Variants in PCDHA1 observed in about 807,000 individuals in gnomAD.
The protein encoded by PCDHA1 is protocadherin alpha-1.
A neutral mutation model predicts 61.3 loss-of-function variants in PCDHA1; 42 were observed. That is an observed-to-expected ratio of 0.69 (90% CI 0.54 to 0.89). The LOEUF is 0.89. Ranked by LOEUF, PCDHA1 falls within the 40% of genes least tolerant of loss-of-function variation. PCDHA1 has a pLI of 0.00. For missense variants in PCDHA1, 1,256 were observed against 1,235.3 expected, an observed-to-expected ratio of 1.02 and a Z score of -0.25; for synonymous variants, 610 against 553.8, an observed-to-expected ratio of 1.10 and a Z score of -1.43.
intron 1 of PCDHA1, among the ~76,000 whole-genome samples, chr5:140,793,037 A>C (rs1420671953): frequency 6.6e-6 from 1 of 152,212 alleles, no homozygotes; most frequent in East Asian, 1.9e-4. Context: ...GAAAAATCAC[A>C]ATTATTGACT....
chr5:140,821,838 C>CT (rs1767080006), intron 1 of PCDHA1: 1 of 1,614,194 alleles, frequency 6.2e-7, no homozygotes, highest in African/African-American at 1.3e-5. Flanking sequence ...TTCTCCTTGC[C>CT]TACTGGAAGG....
chr5:140,926,762 C>A (rs1186997274), intron 1 of PCDHA1: 5 of 1,326,554 alleles, frequency 3.8e-6, no homozygotes, highest in East Asian at 2.8e-5. Context: ...CGCTGAGTAT[C>A]CAGCCCGCAG....
At chr5:140,842,799 C>G (rs2150344737) in intron 1 of PCDHA1, 2 of 1,594,426 alleles carry the variant, frequency 1.3e-6, no homozygotes, top group Non-Finnish European at 1.7e-6. Context: ...GTGTCCTACT[C>G]GCTTGTGGAG....
At position 140,854,896 on chromosome 5, in the gene PCDHA1, G is replaced by A. The variant is rs181663374; in HGVS notation, c.2394+66212G>A. Among the ~76,000 whole-genome samples, 38 of 149,756 alleles carry A rather than the reference G, an allele frequency of 2.5e-4. 1 individual carries two copies. Among genetic ancestry groups the A allele is most frequent in the African/African-American group, 4.6e-4 (19 of 40,968 alleles). On this transcript the variant is annotated intron_variant, in intron 1 of 3. Coordinates refer to ENST00000504120, the MANE Select transcript of PCDHA1 (RefSeq NM_018900.4). ...TGTGTCTTTTGGGCATTTGAAAAGC[G>A]TAAATATAACAGGGTTGAAAGCATT...
Position 140,883,541 on chromosome 5 carries a change from G to T in PCDHA1, c.2394+94857G>T, listed in dbSNP as rs781952906. On this transcript the variant is annotated intron_variant, in intron 1 of 3. Coordinates refer to ENST00000504120, the MANE Select transcript of PCDHA1 (RefSeq NM_018900.4). Reference sequence around the variant, plus strand: ...GAGCGTATCAGCCTATGAACTGGTGGTGACCGCGCGGGACGGGGGCTCGCC... The same window carrying T: ...GAGCGTATCAGCCTATGAACTGGTGTTGACCGCGCGGGACGGGGGCTCGCC... 4.3e-6 allele frequency: 7 copies of T among 1,614,116 alleles called. No individual in the cohort carries two copies. In the East Asian group the frequency reaches 1.1e-4, roughly 26 times the overall value.
intron 1 of PCDHA1, chr5:140,806,900 G>T (rs1268254751): frequency 1.1e-5 from 5 of 453,804 alleles, no homozygotes; most frequent in South Asian, 3.3e-5. Context: ...CCTATTCTCC[G>T]AAACGACTGA....
At chr5:140,865,760 G>A (rs1470653142) in intron 1 of PCDHA1, 1 of 152,154 alleles carries the variant, frequency 6.6e-6, no homozygotes, top group African/African-American at 2.4e-5. Flanking sequence ...AGTACATGGT[G>A]GAGATATTAT....
chr5:140,829,771 C>A, intron 1 of PCDHA1: 5 of 1,613,808 alleles, frequency 3.1e-6, no homozygotes, highest in Middle Eastern at 1.7e-4. Context: ...ACGAGAACGA[C>A]AACGCGCCGG....
At chr5:140,888,234 G>A (rs1554183382) in intron 1 of PCDHA1, among the ~76,000 whole-genome samples, 2 of 152,250 alleles carry the variant, frequency 1.3e-5, no homozygotes, top group East Asian at 1.9e-4. Flanking sequence ...ATGTGTGTGC[G>A]TGTTCCTTTA....
chr5:140,969,538 G>A (rs916768919), intron 1 of PCDHA1: 11 of 1,304,024 alleles, frequency 8.4e-6, no homozygotes, highest in African/African-American at 1.5e-5. Flanking sequence ...TTCATTTTCA[G>A]AGGCATGAAG....
chr5:140,978,849 T>C, intron 1 of PCDHA1, 100 bp from the exon 2 acceptor site: 7 of 1,577,036 alleles, frequency 4.4e-6, no homozygotes, highest in Non-Finnish European at 5.2e-6. Flanking sequence ...CTTTTTTAGA[T>C]GCCTGGAAAT....
At chr5:140,924,895 AAAAAAAAAAATAAAAT>A (rs200266637) in intron 1 of PCDHA1, among the ~76,000 whole-genome samples, 43,424 of 132,064 alleles carry the variant, frequency 0.33, 6,815 homozygotes, top group East Asian at 0.57. Flanking sequence ...AACCTGTCTC[AAAAAAAAAAATAAAAT>A]AAAATAAAAT....
rs2150277025 is a variant in PCDHA1, at chr5:140,837,589, G to A, written c.2394+48905G>A. Among the ~76,000 whole-genome samples the A allele has an allele frequency of 4.8e-4, 73 of 151,324 alleles. 1 individual carries two copies. Among genetic ancestry groups the A allele is most frequent in the Admixed American group, 7.9e-4 (12 of 15,168 alleles). On this transcript the variant is annotated intron_variant, in intron 1 of 3. Coordinates refer to ENST00000504120, the MANE Select transcript of PCDHA1 (RefSeq NM_018900.4). ...ATTTACAATCACCAAATTGTAAATCGCCAATATATATATTTTATAATTTGC... is the reference window on the plus strand; with the variant it reads ...ATTTACAATCACCAAATTGTAAATCACCAATATATATATTTTATAATTTGC...
intron 1 of PCDHA1, chr5:140,808,051 T>C: frequency 6.2e-7 from 1 of 1,614,058 alleles, no homozygotes; most frequent in East Asian, 2.2e-5. Context: ...TTTCGCCAAA[T>C]GTGAAATCCA....
chr5:140,808,696 G>T (rs1182991653), intron 1 of PCDHA1: 2 of 1,612,214 alleles, frequency 1.2e-6, no homozygotes, highest in African/African-American at 1.3e-5. Flanking sequence ...GGGAGCGCGC[G>T]CTGTCGAGCT....
intron 3 of PCDHA1, among the ~76,000 whole-genome samples, chr5:140,999,861 A>G (rs1181249308): frequency 6.6e-6 from 1 of 152,184 alleles, no homozygotes; most frequent in Non-Finnish European, 1.5e-5. Flanking sequence ...TTCCGCTCCA[A>G]GATTACTGAA....
chr5:140,839,744 G>A (rs935121043), intron 1 of PCDHA1, among the ~76,000 whole-genome samples: 1 of 151,944 alleles, frequency 6.6e-6, no homozygotes, highest in African/African-American at 2.4e-5. Flanking sequence ...ACCCTTATTT[G>A]CCTTTCCTAT....
At chr5:140,809,926 T>C (rs1764568017) in intron 1 of PCDHA1, 1 of 170,806 alleles carries the variant, frequency 5.9e-6, no homozygotes, top group Admixed American at 5.9e-5. Flanking sequence ...TAAAGCTCCA[T>C]AAATTGTATG....
intron 1 of PCDHA1, among the ~76,000 whole-genome samples, chr5:140,890,900 A>G (rs1554184581): frequency 6.6e-6 from 1 of 151,984 alleles, no homozygotes; most frequent in Admixed American, 6.6e-5. Flanking sequence ...TTGTCTTTCC[A>G]TGTTAGAATA....
Sources: gnomAD v4.1 joint callset for allele counts (sites outside exome capture counted in the v4.1 genomes callset) on GRCh38, gnomAD v4.1.1 for gene constraint, MANE v1.5 for transcripts, NCBI Gene and HGNC (gene_info 2026-07-23, HGNC 2026-07-21) for gene names.